RTRAF: variants seen among roughly 807,000 people sequenced by gnomAD.
The protein encoded by RTRAF is RNA transcription, translation and transport factor.
RTRAF carries 14 observed loss-of-function variants against 34.4 expected under a neutral mutation model. The ratio of observed to expected loss-of-function variants is 0.41; its 90% CI spans 0.27 to 0.64. RTRAF has a LOEUF of 0.64. Among genes scored for constraint, RTRAF ranks in the 30% least tolerant of loss-of-function variants. RTRAF has a pLI of 0.34. For missense variants in RTRAF, 291 were observed against 288.4 expected, an observed-to-expected ratio of 1.01 and a Z score of -0.06; for synonymous variants, 96 against 95.3, an observed-to-expected ratio of 1.01 and a Z score of -0.04.
chr14:52,004,281 A>AGACT, intron 7 of RTRAF, 39 bp downstream of exon 7: 3 of 1,597,334 alleles, frequency 1.9e-6, no homozygotes, highest in Middle Eastern at 1.7e-4. Context: ...TTTTTTTTAC[A>AGACT]GACTGAATAC....
At position 52,010,347 on chromosome 14, in the gene RTRAF, T is replaced by C. The variant is rs1890962957; in HGVS notation, c.*5831T>C. ...AACAAGTACTGAGACAGTGAACAAA[T>C]CCTGTATGTCACATTTGATGACCTT... On this transcript the variant is annotated 3_prime_UTR_variant, in exon 8 of 8. Coordinates refer to ENST00000261700, the MANE Select transcript of RTRAF (RefSeq NM_016039.3). The C allele has an allele frequency of 6.6e-6, 1 of 152,410 alleles. No individual in the cohort carries two copies. The highest frequency in any genetic ancestry group is 6.5e-5 in the Admixed American group (1 of 15,304). 9.4% of individuals were successfully genotyped at this position (152,410 alleles called of 1,614,324 possible).
In RTRAF at chr14:52,006,037, T is replaced by G; in HGVS notation, c.*1521T>G. The G allele has an allele frequency of 1.7e-6, 1 of 577,078 alleles. No individual in the cohort carries two copies. The highest frequency in any genetic ancestry group is 1.9e-5 in the South Asian group (1 of 51,414). 35.7% of individuals were successfully genotyped at this position (577,078 alleles called of 1,614,324 possible). A position where few individuals can be genotyped will look rare whatever the true frequency, so the allele number is the denominator to read the frequency against. Reference sequence around the variant, plus strand: ...AATCCATTGCTCATCTCTAGCTGCATGTTAGAATCACATGATGAGCTATCA... The same window carrying G: ...AATCCATTGCTCATCTCTAGCTGCAGGTTAGAATCACATGATGAGCTATCA... On this transcript the variant is annotated 3_prime_UTR_variant, in exon 8 of 8. Coordinates refer to ENST00000261700, the MANE Select transcript of RTRAF (RefSeq NM_016039.3).
In RTRAF at chr14:52,005,346, G is replaced by T; in HGVS notation, c.*830G>T. On this transcript the variant is annotated 3_prime_UTR_variant, in exon 8 of 8. Transcript: ENST00000261700. ...ATCAGCTTTTCACAAAAGTCTTTTT[G>T]CACTACAAAATGTTCATCTTGGATG... The T allele has an allele frequency of 2.9e-6, 2 of 678,100 alleles. No individual in the cohort carries two copies. The highest frequency in any genetic ancestry group is 2.3e-6 in the Non-Finnish European group (1 of 444,210). The allele number at this position is 678,100 out of a possible 1,614,324, so 42.0% of individuals were successfully genotyped here.
rs761885840 is a variant in RTRAF, at chr14:52,005,567, C to CTT, written c.*1053_*1054dup. 4 of 1,546,582 alleles carry CTT rather than the reference C, an allele frequency of 2.6e-6. No individual in the cohort carries two copies. The highest frequency in any genetic ancestry group is 2.2e-5 in the East Asian group (1 of 44,502). ...TTGTAACCAAGTTGCAACAGCAAGTCTTTGCATTTTGTGTATAAACTAGGT... is the reference window on the plus strand; with the variant it reads ...TTGTAACCAAGTTGCAACAGCAAGTCTTTTTGCATTTTGTGTATAAACTAGGT... On this transcript the variant is annotated 3_prime_UTR_variant, in exon 8 of 8. Transcript: ENST00000261700.
intron 3 of RTRAF, among the ~76,000 whole-genome samples, chr14:51,995,602 C>T (rs1890506544): frequency 1.3e-5 from 2 of 152,132 alleles, no homozygotes; most frequent in African/African-American, 4.8e-5. Flanking sequence ...GTGTCTGTCA[C>T]AGTACCTGAC....
intron 6 of RTRAF, 200 bp from the exon 7 acceptor site, chr14:52,003,994 T>C: frequency 1.7e-6 from 1 of 584,250 alleles, no homozygotes; most frequent in Non-Finnish European, 3.1e-6. Context: ...GGTTAACTTT[T>C]CCCCCTAACC....
chr14:52,005,569 T>C lies in RTRAF; in HGVS notation c.*1053T>C. 3.9e-6 allele frequency: 6 copies of C among 1,541,054 alleles called. No individual in the cohort carries two copies. Among genetic ancestry groups the C allele is most frequent in the Non-Finnish European group, 5.3e-6 (6 of 1,130,264 alleles). ...GTAACCAAGTTGCAACAGCAAGTCT[T>C]TGCATTTTGTGTATAAACTAGGTAG... On this transcript the variant is annotated 3_prime_UTR_variant, in exon 8 of 8. Coordinates refer to ENST00000261700, the MANE Select transcript of RTRAF (RefSeq NM_016039.3).
chr14:51,993,063 A>G (rs1468479025), intron 2 of RTRAF, among the ~76,000 whole-genome samples: 3 of 152,144 alleles, frequency 2.0e-5, no homozygotes, highest in Admixed American at 2.0e-4. Flanking sequence ...GTGTGTGTAT[A>G]TATGTACATA....
Position 51,989,570 on chromosome 14 carries a change from C to G in RTRAF, c.-70C>G. The G allele has an allele frequency of 6.7e-7, 1 of 1,499,950 alleles. No individual in the cohort carries two copies. Among genetic ancestry groups the G allele is most frequent in the Non-Finnish European group, 9.0e-7 (1 of 1,108,040 alleles). The allele number at this position is 1,499,950 out of a possible 1,614,324, so 92.9% of individuals were successfully genotyped here. A position where few individuals can be genotyped will look rare whatever the true frequency, so the allele number is the denominator to read the frequency against. On this transcript the variant is annotated 5_prime_UTR_variant, in exon 1 of 8. Transcript: ENST00000261700. Reference sequence around the variant, plus strand: ...CCTCTCGCCGCGTCGCCGGTGCCTGCGCCTCCCGCTCCACCTCGCTTCTTC... The same window carrying G: ...CCTCTCGCCGCGTCGCCGGTGCCTGGGCCTCCCGCTCCACCTCGCTTCTTC...
At chr14:52,000,120 C>CA (rs565735737) in intron 5 of RTRAF, among the ~76,000 whole-genome samples, 217 of 152,158 alleles carry the variant, frequency 1.4e-3, no homozygotes, top group African/African-American at 4.9e-3. Flanking sequence ...CAGAAAATGA[C>CA]AGAGCCAGGA....
Position 52,007,682 on chromosome 14 carries a change from T to G in RTRAF, c.*3166T>G. 1.2e-6 allele frequency: 1 copy of G among 843,090 alleles called. No individual in the cohort carries two copies. The highest frequency in any genetic ancestry group is 1.9e-6 in the Non-Finnish European group (1 of 521,702). 52.2% of individuals were successfully genotyped at this position (843,090 alleles called of 1,614,324 possible). Reference sequence around the variant, plus strand: ...ATTTACTAGTACTTAAATTTACTAGTACTTAAAAGTTTACAGACCAAAGAA... The same window carrying G: ...ATTTACTAGTACTTAAATTTACTAGGACTTAAAAGTTTACAGACCAAAGAA... On this transcript the variant is annotated 3_prime_UTR_variant, in exon 8 of 8. Coordinates refer to ENST00000261700, the MANE Select transcript of RTRAF (RefSeq NM_016039.3).
rs1157809323 is a variant in RTRAF, at chr14:52,007,981, A to G, written c.*3465A>G. On this transcript the variant is annotated 3_prime_UTR_variant, in exon 8 of 8. Coordinates refer to ENST00000261700, the MANE Select transcript of RTRAF (RefSeq NM_016039.3). ...CAGTACAAGTTGCTGTAAGTTAAAA[A>G]TCAAGATTGTAAAAGAATAGCCATG... 6.3e-7 allele frequency: 1 copy of G among 1,591,268 alleles called. No individual in the cohort carries two copies. The highest frequency in any genetic ancestry group is 1.9e-5 in the Admixed American group (1 of 54,038).
At position 52,005,188 on chromosome 14, in the gene RTRAF, T is replaced by TCA. The variant is rs1890713335; in HGVS notation, c.*672_*673insCA. ...AAACTCTAATTCTTAGTTGAATGAA[T>TCA]TTGATCTTTTAAATATTAATGATAA... is the stretch of plus-strand genomic sequence containing the variant. On this transcript the variant is annotated 3_prime_UTR_variant, in exon 8 of 8. Coordinates refer to ENST00000261700, the MANE Select transcript of RTRAF (RefSeq NM_016039.3). The TCA allele has an allele frequency of 1.1e-5, 3 of 273,572 alleles. No homozygotes were observed. Among genetic ancestry groups the TCA allele is most frequent in the Non-Finnish European group, 2.0e-5 (3 of 146,548 alleles). 16.9% of individuals were successfully genotyped at this position (273,572 alleles called of 1,614,324 possible). A position where few individuals can be genotyped will look rare whatever the true frequency, so the allele number is the denominator to read the frequency against.
In RTRAF at chr14:52,005,279, A is replaced by AACAACCTTCATTTTT; in HGVS notation, c.*765_*779dup. 2.4e-6 allele frequency: 1 copy of AACAACCTTCATTTTT among 410,966 alleles called. No individual in the cohort carries two copies. Among genetic ancestry groups the AACAACCTTCATTTTT allele is most frequent in the Non-Finnish European group, 4.3e-6 (1 of 235,044 alleles). 25.5% of individuals were successfully genotyped at this position (410,966 alleles called of 1,614,324 possible). A position where few individuals can be genotyped will look rare whatever the true frequency, so the allele number is the denominator to read the frequency against. On this transcript the variant is annotated 3_prime_UTR_variant, in exon 8 of 8. Coordinates refer to ENST00000261700, the MANE Select transcript of RTRAF (RefSeq NM_016039.3). ...TCTGTTACCTTTTTAAACTTGCAAT[A>AACAACCTTCATTTTT]ACAACCTTCATTTTTAAAAATACAG...
Position 52,004,466 on chromosome 14 carries a change from A to G in RTRAF, c.685A>G (p.Ile229Val), listed in dbSNP as rs746539960. The change falls in exon 8 of 8, where the codon ATT (isoleucine) becomes GTT (valine). Residue 229 changes from isoleucine to valine, a missense_variant. Physicochemically the swap from Ile to Val is conservative, Grantham distance 29 (BLOSUM62 3). Transcript: ENST00000261700. ...CGAAGCCATAGTAGCTGTTCAGGCA[A>G]TTATTGCTGATCCAAAGACAGACCA... is the stretch of plus-strand genomic sequence containing the variant. ...INEAIVAVQAIIADPKTDHRL... is the reference protein window; with the variant it reads ...INEAIVAVQAVIADPKTDHRL... 3 of 1,614,000 alleles carry G rather than the reference A, an allele frequency of 1.9e-6. No individual in the cohort carries two copies. The highest frequency in any genetic ancestry group is 1.7e-6 in the Non-Finnish European group (2 of 1,179,912).
chr14:52,004,541 C>CCTACTTAGTACAGTT lies in RTRAF; in HGVS notation c.*26_*40dup, dbSNP rs747762437. 1.2e-6 allele frequency: 2 copies of CCTACTTAGTACAGTT among 1,601,650 alleles called. No homozygotes were observed. The highest frequency in any genetic ancestry group is 3.4e-5 in the Admixed American group (2 of 59,154). Reference sequence around the variant, plus strand: ...AACACTTGAGGACTTCAGCTTCTCACCTACTTAGTACAGTTGGGAACCATA... The same window carrying CCTACTTAGTACAGTT: ...AACACTTGAGGACTTCAGCTTCTCACCTACTTAGTACAGTTCTACTTAGTACAGTTGGGAACCATA... On this transcript the variant is annotated 3_prime_UTR_variant, in exon 8 of 8. Coordinates refer to ENST00000261700, the MANE Select transcript of RTRAF (RefSeq NM_016039.3).
At chr14:51,989,761 G>C in intron 1 of RTRAF, 61 bp downstream of exon 1, 1 of 1,502,400 alleles carries the variant, frequency 6.7e-7, no homozygotes. Flanking sequence ...CCCAGCCTCA[G>C]TGCCCGCACC....
intron 1 of RTRAF, 140 bp downstream of exon 1, chr14:51,989,840 T>G (rs1594983399): frequency 1.3e-6 from 1 of 762,666 alleles, no homozygotes; most frequent in Admixed American, 2.9e-5. Flanking sequence ...CTCCTCTGGG[T>G]CGCCACGTAC....
intron 3 of RTRAF, chr14:51,997,844 C>T (rs1239034280): frequency 6.6e-6 from 1 of 151,778 alleles, no homozygotes; most frequent in Non-Finnish European, 1.5e-5. Flanking sequence ...TAACCCTCCT[C>T]CCATTCTTCT....
Sources: gnomAD v4.1 joint callset for allele counts (sites outside exome capture counted in the v4.1 genomes callset) on GRCh38, gnomAD v4.1.1 for gene constraint, MANE v1.5 for transcripts, NCBI Gene and HGNC (gene_info 2026-07-23, HGNC 2026-07-21) for gene names.